The following ARL13B variants were observed in gnomAD, a reference collection of about 807,000 sequenced individuals.
ARL13B encodes the protein ADP-ribosylation factor-like protein 13B.
In ARL13B, 36 loss-of-function variants were observed where a neutral mutation model predicts 56.1. The observed-to-expected ratio is 0.64, with a 90% confidence interval of 0.49 to 0.85. The LOEUF is 0.85. ARL13B is among the 40% of genes least tolerant of loss of function. The pLI is 0.00. For synonymous variants in ARL13B, 178 were observed against 171.1 expected, an observed-to-expected ratio of 1.04 and a Z score of -0.32; for missense variants, 519 against 507.1, an observed-to-expected ratio of 1.02 and a Z score of -0.23.
intron 8 of ARL13B, among the ~76,000 whole-genome samples, chr3:94,050,466 T>G (rs2077050478): frequency 6.6e-6 from 1 of 152,152 alleles, no homozygotes; most frequent in South Asian, 2.1e-4. Context: ...AGAAATTATT[T>G]GGTAACATTT....
chr3:93,985,293 C>T (rs1710402938), intron 1 of ARL13B, among the ~76,000 whole-genome samples: 1 of 152,210 alleles, frequency 6.6e-6, no homozygotes, highest in East Asian at 1.9e-4. Flanking sequence ...AGATTCTAAC[C>T]CTTACACATT....
At chr3:93,996,040 A>G in intron 2 of ARL13B, 96 bp downstream of exon 2, 22 of 1,257,528 alleles carry the variant, frequency 1.7e-5, no homozygotes, top group Non-Finnish European at 2.5e-5. Flanking sequence ...AATTTGGTAC[A>G]GATACTGTGC....
chr3:94,035,897 C>T (rs2076759139), intron 4 of ARL13B, among the ~76,000 whole-genome samples: 1 of 152,010 alleles, frequency 6.6e-6, no homozygotes, highest in Admixed American at 6.6e-5. Flanking sequence ...CATAGTGAGA[C>T]CCTAGCTCTA....
intron 5 of ARL13B, 62 bp downstream of exon 5, chr3:94,036,816 A>T (rs2076777344): frequency 6.6e-6 from 10 of 1,516,640 alleles, no homozygotes; most frequent in Non-Finnish European, 7.2e-6. Flanking sequence ...CAATTTTATG[A>T]ATCAGTTGTT....
intron 3 of ARL13B, among the ~76,000 whole-genome samples, chr3:94,018,412 G>T (rs749714219): frequency 3.4e-4 from 51 of 152,034 alleles, no homozygotes; most frequent in Non-Finnish European, 6.8e-4. Flanking sequence ...TTGAAGAAAA[G>T]TATTTCTCCT....
At chr3:93,980,792 C>T (rs886135787) in intron 1 of ARL13B, among the ~76,000 whole-genome samples, 3 of 150,506 alleles carry the variant, frequency 2.0e-5, no homozygotes, top group Non-Finnish European at 3.0e-5. Context: ...TGTGTTTTTC[C>T]TCTGAAGCTT....
chr3:93,999,900 A>G (rs1303031655), intron 2 of ARL13B, among the ~76,000 whole-genome samples: 1 of 152,188 alleles, frequency 6.6e-6, no homozygotes, highest in Non-Finnish European at 1.5e-5. Flanking sequence ...TGTCAGCTCC[A>G]TCGTGTTAGT....
intron 3 of ARL13B, among the ~76,000 whole-genome samples, chr3:94,013,295 A>G (rs1180432199): frequency 6.6e-6 from 1 of 152,186 alleles, no homozygotes; most frequent in Non-Finnish European, 1.5e-5. Context: ...TCTGCCCAGA[A>G]CTTAACATTA....
In ARL13B at chr3:94,054,676, C is replaced by T. The variant is rs751127466; in HGVS notation, c.*1413C>T. On this transcript the variant is annotated 3_prime_UTR_variant, in exon 10 of 10. Transcript: ENST00000394222. ...ACTTCAGAACATCAGATTTTATTCACATTTTTTAACTCACTGAACTTTAAT... is the reference window on the plus strand; with the variant it reads ...ACTTCAGAACATCAGATTTTATTCATATTTTTTAACTCACTGAACTTTAAT... The T allele has an allele frequency of 7.9e-6, 3 of 379,896 alleles. No homozygotes were observed. Among genetic ancestry groups the T allele is most frequent in the South Asian group, 6.0e-5 (3 of 49,852 alleles). 23.5% of individuals were successfully genotyped at this position (379,896 alleles called of 1,614,324 possible).
At chr3:94,028,942 C>T (rs2076611755) in intron 3 of ARL13B, among the ~76,000 whole-genome samples, 1 of 151,922 alleles carries the variant, frequency 6.6e-6, no homozygotes, top group African/African-American at 2.4e-5. Flanking sequence ...TTTAGGAAAT[C>T]CCAAAAGAGC....
At chr3:93,983,718 C>G (rs1267246996) in intron 1 of ARL13B, among the ~76,000 whole-genome samples, 1 of 151,888 alleles carries the variant, frequency 6.6e-6, no homozygotes, top group South Asian at 2.1e-4. Context: ...ATTTTTGTTT[C>G]TCTCAGCAGT....
chr3:94,053,400 C>A lies in ARL13B; in HGVS notation c.*137C>A. The A allele has an allele frequency of 1.3e-6, 1 of 793,240 alleles. No homozygotes were observed. Among genetic ancestry groups the A allele is most frequent in the Non-Finnish European group, 2.1e-6 (1 of 465,792 alleles). The allele number at this position is 793,240 out of a possible 1,614,324, so 49.1% of individuals were successfully genotyped here. On this transcript the variant is annotated 3_prime_UTR_variant, in exon 10 of 10. Coordinates refer to ENST00000394222, the MANE Select transcript of ARL13B (RefSeq NM_001174150.2). ...TAATTTTAGTGAGAAGATTAATACTCAAGGACCTGACTTGATAATTACTTA... is the reference window on the plus strand; with the variant it reads ...TAATTTTAGTGAGAAGATTAATACTAAAGGACCTGACTTGATAATTACTTA...
rs567211919 is a variant in ARL13B, at chr3:94,054,968, T to C, written c.*1705T>C. On this transcript the variant is annotated 3_prime_UTR_variant, in exon 10 of 10. Coordinates refer to ENST00000394222, the MANE Select transcript of ARL13B (RefSeq NM_001174150.2). ...TAAACTCATACTTTTGCTATCTTTTTAATATTTATCTCGTTTGGGAGTATA... is the reference window on the plus strand; with the variant it reads ...TAAACTCATACTTTTGCTATCTTTTCAATATTTATCTCGTTTGGGAGTATA... 4.4e-3 allele frequency: 1,314 copies of C among 299,626 alleles called. 22 individuals carry two copies. Among genetic ancestry groups the C allele is most frequent in the South Asian group, 0.02 (682 of 33,860 alleles). 18.6% of individuals were successfully genotyped at this position (299,626 alleles called of 1,614,324 possible).
At chr3:94,033,860 G>A (rs1464049696) in intron 3 of ARL13B, among the ~76,000 whole-genome samples, 1 of 152,094 alleles carries the variant, frequency 6.6e-6, no homozygotes, top group Non-Finnish European at 1.5e-5. Flanking sequence ...GGGAAATATA[G>A]GATAGGTATG....
At chr3:94,018,637 A>G (rs1405304334) in intron 3 of ARL13B, among the ~76,000 whole-genome samples, 1 of 152,104 alleles carries the variant, frequency 6.6e-6, no homozygotes. Context: ...AAAACTGCCT[A>G]CCTGACAGCT....
chr3:93,990,297 C>T (rs867085000), intron 1 of ARL13B, among the ~76,000 whole-genome samples: 5 of 151,932 alleles, frequency 3.3e-5, no homozygotes, highest in African/African-American at 1.2e-4. Context: ...CATGAGCCAC[C>T]GTGCCTGGCC....
intron 3 of ARL13B, chr3:94,014,552 C>T: frequency 6.2e-7 from 1 of 1,612,726 alleles, no homozygotes; most frequent in Non-Finnish European, 8.5e-7. Context: ...TGTTCCTCTA[C>T]TAAAAGAGAT....
chr3:93,984,471 A>C (rs1242681245), intron 1 of ARL13B, among the ~76,000 whole-genome samples: 2 of 152,174 alleles, frequency 1.3e-5, no homozygotes, highest in Non-Finnish European at 2.9e-5. Context: ...CTGAGGAGAA[A>C]GAGGAAGAGG....
intron 7 of ARL13B, 86 bp from the exon 8 acceptor site, chr3:94,049,320 C>G: frequency 1.4e-6 from 1 of 733,520 alleles, no homozygotes; most frequent in East Asian, 2.7e-5. Flanking sequence ...TTAATAATAT[C>G]AGTATTCTTG....
Sources: allele counts gnomAD v4.1 joint callset (sites outside exome capture counted in the v4.1 genomes callset), GRCh38; gene constraint gnomAD v4.1.1; transcripts MANE v1.5; gene names NCBI Gene and HGNC (gene_info 2026-07-23, HGNC 2026-07-21).